The following PLXNB2 variants were observed in gnomAD, a reference collection of about 807,000 sequenced individuals.
PLXNB2 encodes plexin B2.
Under a neutral mutation model 202.6 loss-of-function variants are expected in PLXNB2, and 85 were observed. That is an observed-to-expected ratio of 0.42 (90% CI 0.35 to 0.50). The LOEUF (loss-of-function observed/expected upper bound fraction) is 0.50, where lower values mean the gene tolerates loss of function less well. Ranked by LOEUF, PLXNB2 falls within the 20% of genes least tolerant of loss-of-function variation. The probability of loss-of-function intolerance (pLI) is 0.02; values close to 1 mark genes in which losing one functional copy is unlikely to be tolerated. For synonymous variants in PLXNB2, 1,239 were observed against 1,137.6 expected, an observed-to-expected ratio of 1.09 and a Z score of -1.79; for missense variants, 2,063 against 2,586.2, an observed-to-expected ratio of 0.80 and a Z score of 4.39.
At chr22:50,280,714 G>GGGCGCC in intron 24 of PLXNB2, 30 bp downstream of exon 24, 1 of 1,528,922 alleles carries the variant, frequency 6.5e-7, no homozygotes. Context: ...CCACCTGTGT[G>GGGCGCC]CCCTCCCGCC....
intron 18 of PLXNB2, 104 bp downstream of exon 18, chr22:50,282,607 C>A: frequency 1.2e-6 from 1 of 855,672 alleles, no homozygotes; most frequent in South Asian, 1.7e-5. Flanking sequence ...CCTCCCGCTG[C>A]ACAGACCAGC....
rs1481312674 is a variant in PLXNB2, at chr22:50,282,827, G to A, written c.2871C>T (p.Gly957=). ...QCVTGPQATR[G]QMLLEVSYGG... ...CGTAGGAGACCTCCAGAAGCATCTG[G>A]CCCCGTGTCGCCTGGGGGCCAGTGA... Residue 957 remains glycine (G), a synonymous_variant, in exon 18 of 37, where the codon GGC becomes GGT. Transcript: ENST00000359337. The A allele has an allele frequency of 6.2e-7, 1 of 1,612,944 alleles. No homozygotes were observed. Among genetic ancestry groups the A allele is most frequent in the Admixed American group, 1.7e-5 (1 of 60,002 alleles).
intron 31 of PLXNB2, 28 bp from the exon 32 acceptor site, chr22:50,278,041 G>A (rs757591220): frequency 3.9e-5 from 62 of 1,600,316 alleles, no homozygotes; most frequent in Non-Finnish European, 5.1e-5. Flanking sequence ...TCAGCGTGAC[G>A]CCGTGGGCGC....
At position 50,277,930 on chromosome 22, in the gene PLXNB2, G is replaced by A. The variant is rs376842769; in HGVS notation, c.4971C>T (p.Phe1657=). The A allele has an allele frequency of 7.4e-6, 12 of 1,613,180 alleles. 1 individual carries two copies. In the South Asian group the frequency reaches 9.9e-5, roughly 13 times the overall value. Residue 1657 remains phenylalanine, a synonymous_variant, in exon 32 of 37, where the codon TTC becomes TTT. Coordinates refer to ENST00000359337, the MANE Select transcript of PLXNB2 (RefSeq NM_012401.4). ...CTGCCTGCTCGTCCAGGAAGTCGAA[G>A]AAGTACTTGACTGCAGGTGGCACCG... ...GHAVPPAVKY[F]FDFLDEQAEK... is the part of the protein sequence containing the mutation.
Position 50,290,323 on chromosome 22 carries a change from G to T in PLXNB2, c.262C>A (p.His88Asn). The change falls in exon 3 of 37, where the codon CAT becomes AAT. Residue 88 changes from histidine (H) to asparagine (N), a missense_variant. Transcript: ENST00000359337. ...CTPPIEASQC[H>N]EAEMTDNVNQ... ...ACATTGTCAGTCATCTCAGCCTCAT[G>T]GCACTGGCTGGCCTCGATGGGCGGC... 6.2e-7 allele frequency: 1 copy of T among 1,612,282 alleles called. No individual in the cohort carries two copies. Among genetic ancestry groups the T allele is most frequent in the South Asian group, 1.1e-5 (1 of 91,082 alleles).
In PLXNB2 at chr22:50,283,197, C is replaced by G; in HGVS notation, c.2680-11G>C. ...GAGAGGCTTGGGCTGCTGAAAGAGC[C>G]GCAGGGGCACTCGGGTGAGGACGGG... On this transcript the variant is annotated splice_polypyrimidine_tract_variant and intron_variant, in intron 16 of 36. Coordinates refer to ENST00000359337, the MANE Select transcript of PLXNB2 (RefSeq NM_012401.4). 9 of 1,599,086 alleles carry G rather than the reference C, an allele frequency of 5.6e-6. No homozygotes were observed. The highest frequency in any genetic ancestry group is 6.8e-6 in the Non-Finnish European group (8 of 1,173,870).
At position 50,281,203 on chromosome 22, in the gene PLXNB2, C is replaced by A. The variant is rs192431671; in HGVS notation, c.3663-14G>T. ...TGGCTCTTCCTCCTGCAAGGCACAG[C>A]GGGCCTCCTAGGTTCTGCCGGGGCT... is the stretch of plus-strand genomic sequence containing the variant. On this transcript the variant is annotated splice_polypyrimidine_tract_variant and intron_variant, in intron 22 of 36. Coordinates refer to ENST00000359337, the MANE Select transcript of PLXNB2 (RefSeq NM_012401.4). 4 of 1,605,198 alleles carry A rather than the reference C, an allele frequency of 2.5e-6. No individual in the cohort carries two copies. Among genetic ancestry groups the A allele is most frequent in the African/African-American group, 1.3e-5 (1 of 74,902 alleles).
In PLXNB2 at chr22:50,286,850, C is replaced by T. The variant is rs1461206758; in HGVS notation, c.1762+261G>A. Among the ~76,000 whole-genome samples, 4 of 152,182 alleles carry T rather than the reference C, an allele frequency of 2.6e-5. 1 individual carries two copies. The highest frequency in any genetic ancestry group is 2.6e-4 in the Admixed American group (4 of 15,290). On this transcript the variant is annotated intron_variant, in intron 8 of 36. Transcript: ENST00000359337. ...CCTGGCACCCACATGCCGCTCCGGA[C>T]GTGATGAGGGAGCAGGCTGAAGACA... is the stretch of plus-strand genomic sequence containing the variant.
At chr22:50,300,784 T>G (rs1490289126) in intron 1 of PLXNB2, among the ~76,000 whole-genome samples, 1 of 152,150 alleles carries the variant, frequency 6.6e-6, no homozygotes, top group Non-Finnish European at 1.5e-5. Flanking sequence ...GTGGCAGTGA[T>G]GGGGTCACCA....
At chr22:50,282,936 G>A (rs760119064) in intron 17 of PLXNB2, 55 bp from the exon 18 acceptor site, 1 of 1,562,118 alleles carries the variant, frequency 6.4e-7, no homozygotes, top group Non-Finnish European at 8.7e-7. Context: ...ACCAGCCCCA[G>A]CCCGACCAGG....
At position 50,275,566 on chromosome 22, in the gene PLXNB2, C is replaced by G. The variant is rs1256897107; in HGVS notation, c.*138G>C. 4.6e-6 allele frequency: 3 copies of G among 654,132 alleles called. No homozygotes were observed. The African/African-American group carries it at 5.4e-5, about 12-fold the overall frequency. 40.5% of individuals were successfully genotyped at this position (654,132 alleles called of 1,614,324 possible). A position where few individuals can be genotyped will look rare whatever the true frequency, so the allele number is the denominator to read the frequency against. Reference sequence around the variant, plus strand: ...CTACAGTCTAGACGCTGGGCGGGTTCCGGCTGCACCCACTCCGGCTTGGGG... The same window carrying G: ...CTACAGTCTAGACGCTGGGCGGGTTGCGGCTGCACCCACTCCGGCTTGGGG... On this transcript the variant is annotated 3_prime_UTR_variant, in exon 37 of 37. Coordinates refer to ENST00000359337, the MANE Select transcript of PLXNB2 (RefSeq NM_012401.4).
chr22:50,287,146 G>T lies in PLXNB2; in HGVS notation c.1727C>A (p.Ser576Tyr). ...RVEGEAVICN[S>Y]PSSIPVTPPG... ...CGGTGTGACGGGGATGCTGCTTGGGGAGTTGCAGATGACGGCCTCGCCCTC... is the reference window on the plus strand; with the variant it reads ...CGGTGTGACGGGGATGCTGCTTGGGTAGTTGCAGATGACGGCCTCGCCCTC... The change falls in exon 8 of 37, where the codon TCC becomes TAC. Residue 576 changes from serine to tyrosine, a missense_variant. By Grantham distance (144) the Ser-to-Tyr change is moderately radical. Transcript: ENST00000359337. 1 of 1,543,320 alleles carries T rather than the reference G, an allele frequency of 6.5e-7. No homozygotes were observed. Among genetic ancestry groups the T allele is most frequent in the Non-Finnish European group, 8.7e-7 (1 of 1,143,220 alleles).
chr22:50,275,794 C>T lies in PLXNB2; in HGVS notation c.5427G>A (p.Leu1809=). 1 of 1,612,288 alleles carries T rather than the reference C, an allele frequency of 6.2e-7. No homozygotes were observed. ...QKYYDEIINA[L]EEDPAAQKMQ... ...TCTTCTGGGCGGCAGGATCCTCCTCCAAGGCATTGATGATCTGAGGGAGGG... is the reference window on the plus strand; with the variant it reads ...TCTTCTGGGCGGCAGGATCCTCCTCTAAGGCATTGATGATCTGAGGGAGGG... The change falls in exon 37 of 37, where the codon TTG becomes TTA. Residue 1809 remains leucine, a synonymous_variant. Transcript: ENST00000359337.
intron 1 of PLXNB2, among the ~76,000 whole-genome samples, chr22:50,295,680 G>A (rs2067211065): frequency 6.6e-6 from 1 of 152,180 alleles, no homozygotes; most frequent in South Asian, 2.1e-4. Flanking sequence ...TCCCACCAGA[G>A]GATACTGTGG....
rs376293364 is a variant in PLXNB2 at position 50,283,684 on chromosome 22, C to T, written c.2488G>A (p.Val830Ile). The change falls in exon 15 of 37, where the codon GTC becomes ATC. Residue 830 changes from valine (V) to isoleucine (I), a missense_variant. Val to Ile is a conservative substitution (Grantham distance 29, BLOSUM62 3). Transcript: ENST00000359337. ...RITILGSNLG[V>I]QAGDIQRISV... The stretch of plus-strand genomic sequence containing the variant: ...ATCCTCTGGATGTCCCCTGCTTGGA[C>T]GCCCAAATTGGACCCCAGGATGGTG... The T allele has an allele frequency of 3.3e-5, 53 of 1,613,014 alleles. No homozygotes were observed. The highest frequency in any genetic ancestry group is 2.8e-4 in the African/African-American group (21 of 74,860).
In PLXNB2 at chr22:50,299,575, G is replaced by C. The variant is rs140206942; in HGVS notation, c.-73-4797C>G. Among the ~76,000 whole-genome samples, 500 of 152,164 alleles carry C rather than the reference G, an allele frequency of 3.3e-3. 7 individuals are homozygous for C. The East Asian group carries it at 0.054, about 16-fold the overall frequency. On this transcript the variant is annotated intron_variant, in intron 1 of 36. Coordinates refer to ENST00000359337, the MANE Select transcript of PLXNB2 (RefSeq NM_012401.4). Reference sequence around the variant, plus strand: ...GCGCCGGCGAATCCCAGCCTCCGCTGTTTTCAAAACAAGCGCGAGGGGGGT... The same window carrying C: ...GCGCCGGCGAATCCCAGCCTCCGCTCTTTTCAAAACAAGCGCGAGGGGGGT...
At chr22:50,303,894 C>T (rs1301967901) in intron 1 of PLXNB2, among the ~76,000 whole-genome samples, 2 of 152,218 alleles carry the variant, frequency 1.3e-5, no homozygotes, top group East Asian at 1.9e-4. Flanking sequence ...GAACTATTGG[C>T]TTTCAGAAGC....
In PLXNB2 at chr22:50,283,402, C is replaced by T; in HGVS notation, c.2614G>A (p.Gly872Ser). 1 of 1,613,286 alleles carries T rather than the reference C, an allele frequency of 6.2e-7. No homozygotes were observed. Among genetic ancestry groups the T allele is most frequent in the Non-Finnish European group, 8.5e-7 (1 of 1,179,936 alleles). ...IEAAETPFTG[G>S]VEVDVFGKLG... Reference sequence around the variant, plus strand: ...TTCCCGAAGACGTCCACCTCGACACCCCCCGTGAAAGGCGTCTCCGCAGCC... The same window carrying T: ...TTCCCGAAGACGTCCACCTCGACACTCCCCGTGAAAGGCGTCTCCGCAGCC... The change falls in exon 16 of 37, where the codon GGT (glycine) becomes AGT (serine). Residue 872 changes from glycine (G) to serine (S), a missense_variant. By Grantham distance (56) the Gly-to-Ser change is moderately conservative. Transcript: ENST00000359337.
chr22:50,282,258 C>T lies in PLXNB2; in HGVS notation c.3043G>A (p.Ala1015Thr). 6.2e-7 allele frequency: 1 copy of T among 1,612,440 alleles called. No homozygotes were observed. The highest frequency in any genetic ancestry group is 8.5e-7 in the Non-Finnish European group (1 of 1,179,858). ...AGGGGCTCCGCGATGACCACCATGG[C>T]AAACCTCTGGATCAGGCTGAAGCCC... is the stretch of plus-strand genomic sequence containing the variant. ...GQGFSLIQRF[A>T]MVVIAEPLQS... Residue 1015 changes from alanine (A) to threonine (T), a missense_variant, in exon 19 of 37, where the codon GCC becomes ACC. Transcript: ENST00000359337.
Sources: gnomAD v4.1 joint callset for allele counts (sites outside exome capture counted in the v4.1 genomes callset) on GRCh38, gnomAD v4.1.1 for gene constraint, MANE v1.5 for transcripts, NCBI Gene and HGNC (gene_info 2026-07-23, HGNC 2026-07-21) for gene names.